PTPRN2: variants seen among roughly 807,000 people sequenced by gnomAD.
PTPRN2 encodes the protein protein tyrosine phosphatase receptor type N2.
In PTPRN2, 74 loss-of-function variants were observed where a neutral mutation model predicts 118.8. That is an observed-to-expected ratio of 0.62 (90% CI 0.52 to 0.76). The LOEUF is 0.76. Among genes scored for constraint, PTPRN2 ranks in the 30% least tolerant of loss-of-function variants. The probability of loss-of-function intolerance (pLI) is 0.00; values close to 1 mark genes in which losing one functional copy is unlikely to be tolerated. For synonymous variants in PTPRN2, 641 were observed against 608.0 expected (o/e 1.05, Z -0.80); for missense variants, 1,481 against 1,394.4 (o/e 1.06, Z -0.99).
Position 157,586,717 on chromosome 7 carries a change from G to A in PTPRN2, c.2496+8521C>T, listed in dbSNP as rs140846663. On this transcript the variant is annotated intron_variant, in intron 17 of 22. Coordinates refer to ENST00000389418, the MANE Select transcript of PTPRN2 (RefSeq NM_002847.5). ...CCTGTCCTGGAGACTCAGGGGCCCCGCTGCTGGATGCTGGGTCTGTCCTGG... is the reference window on the plus strand; with the variant it reads ...CCTGTCCTGGAGACTCAGGGGCCCCACTGCTGGATGCTGGGTCTGTCCTGG... Among the ~76,000 whole-genome samples, 402 of 152,060 alleles carry A rather than the reference G, an allele frequency of 2.6e-3. 2 individuals are homozygous for A. Among genetic ancestry groups the A allele is most frequent in the African/African-American group, 9.2e-3 (382 of 41,470 alleles).
At chr7:158,363,189 G>A (rs1042745936) in intron 2 of PTPRN2, among the ~76,000 whole-genome samples, 2 of 152,162 alleles carry the variant, frequency 1.3e-5, no homozygotes, top group Non-Finnish European at 2.9e-5. Flanking sequence ...GAGGCAAGGG[G>A]AGGACACTAG....
At chr7:158,188,181 C>T (rs1825352385) in intron 5 of PTPRN2, among the ~76,000 whole-genome samples, 1 of 121,576 alleles carries the variant, frequency 8.2e-6, no homozygotes, top group Non-Finnish European at 1.8e-5. Flanking sequence ...GCCACGCTCG[C>T]CCCGCGATGG....
chr7:158,133,690 C>T lies in PTPRN2; in HGVS notation c.1543G>A (p.Val515Met), dbSNP rs139250935. 2.5e-5 allele frequency: 40 copies of T among 1,586,540 alleles called. No homozygotes were observed. Among genetic ancestry groups the T allele is most frequent in the African/African-American group, 2.1e-4 (16 of 74,528 alleles). Reference protein sequence around the residue: ...PSEEEARGYIVTDRDPLRPEE... With the variant: ...PSEEEARGYIMTDRDPLRPEE... ...GCTGCTACTCACTCTCTGTCTGTCACGATGTAGCCCCGCGCCTCTTCCTCG... is the reference window on the plus strand; with the variant it reads ...GCTGCTACTCACTCTCTGTCTGTCATGATGTAGCCCCGCGCCTCTTCCTCG... The change falls in exon 9 of 23, where the codon GTG becomes ATG. Residue 515 changes from valine to methionine, a missense_variant. Val to Met is a conservative substitution (Grantham distance 21, BLOSUM62 1). Around this residue, in one of 3 missense-constraint regions of PTPRN2, gnomAD observed 1,115 missense variants for 994.2 expected, o/e 1.12. Coordinates refer to ENST00000389418, the MANE Select transcript of PTPRN2 (RefSeq NM_002847.5).
At position 158,070,898 on chromosome 7, in the gene PTPRN2, GGTA is replaced by G. The variant is rs1563388366; in HGVS notation, c.1723+10397_1723+10399del. On this transcript the variant is annotated intron_variant, in intron 11 of 22. Coordinates refer to ENST00000389418, the MANE Select transcript of PTPRN2 (RefSeq NM_002847.5). ...TGCCCATGGTGGTGGAGGTGCCCAT[GGTA>G]GTGGAGGTGCCCATGGTGCTGGAGG... Among the ~76,000 whole-genome samples the G allele has an allele frequency of 2.8e-4, 36 of 130,170 alleles. 4 individuals carry two copies. The highest frequency in any genetic ancestry group is 1.1e-3 in the African/African-American group (34 of 31,332). 85.4% of individuals were successfully genotyped at this position (130,170 alleles called of 152,430 possible).
chr7:158,484,416 G>T (rs1464147013), intron 2 of PTPRN2, among the ~76,000 whole-genome samples: 1 of 152,202 alleles, frequency 6.6e-6, no homozygotes, highest in Non-Finnish European at 1.5e-5. Context: ...AGACTGGAGT[G>T]CAATGGTGTG....
chr7:157,742,161 G>A (rs1800670574), intron 12 of PTPRN2, among the ~76,000 whole-genome samples: 1 of 152,164 alleles, frequency 6.6e-6, no homozygotes, highest in South Asian at 2.1e-4. Flanking sequence ...TGTGAATGTG[G>A]TCACTGATTT....
intron 11 of PTPRN2, among the ~76,000 whole-genome samples, chr7:158,000,417 A>G (rs1563316170): frequency 6.6e-6 from 1 of 151,986 alleles, no homozygotes; most frequent in Non-Finnish European, 1.5e-5. Flanking sequence ...ATCACCCAAC[A>G]CGTGAAAGCC....
chr7:158,375,465 G>A (rs1444326982), intron 2 of PTPRN2, among the ~76,000 whole-genome samples: 1 of 152,232 alleles, frequency 6.6e-6, no homozygotes, highest in Non-Finnish European at 1.5e-5. Context: ...GATGTGGTGG[G>A]ACAGCACAGC....
At chr7:158,466,112 A>C (rs903546747) in intron 2 of PTPRN2, among the ~76,000 whole-genome samples, 4 of 152,206 alleles carry the variant, frequency 2.6e-5, no homozygotes, top group African/African-American at 9.6e-5. Context: ...GGATACATAC[A>C]TGCATACTGA....
At chr7:157,790,063 A>G (rs1403111547) in intron 12 of PTPRN2, among the ~76,000 whole-genome samples, 24 of 44,070 alleles carry the variant, frequency 5.4e-4, no homozygotes, top group South Asian at 1.5e-3. Context: ...TGTGGTGTGA[A>G]TGTGTGGTGT....
intron 1 of PTPRN2, among the ~76,000 whole-genome samples, chr7:158,492,294 T>G (rs1396151727): frequency 6.6e-6 from 1 of 152,162 alleles, no homozygotes; most frequent in East Asian, 1.9e-4. Flanking sequence ...AACAGAGACC[T>G]TGGGGGAAGG....
intron 3 of PTPRN2, among the ~76,000 whole-genome samples, chr7:158,243,844 T>G (rs1796033779): frequency 6.6e-6 from 1 of 152,198 alleles, no homozygotes; most frequent in South Asian, 2.1e-4. Context: ...TGCTAAGCAC[T>G]AAGTACCTCC....
intron 12 of PTPRN2, among the ~76,000 whole-genome samples, chr7:157,695,843 C>T (rs1797740898): frequency 1.3e-5 from 2 of 152,154 alleles, no homozygotes; most frequent in South Asian, 4.1e-4. Flanking sequence ...TCACCGTCTA[C>T]CCGTGCATAC....
intron 12 of PTPRN2, among the ~76,000 whole-genome samples, chr7:157,717,354 T>A (rs1798975125): frequency 6.6e-6 from 1 of 152,148 alleles, no homozygotes; most frequent in South Asian, 2.1e-4. Flanking sequence ...GAGCCACGGG[T>A]GGGTATCCTG....
At chr7:158,141,677 C>G (rs1819401291) in intron 6 of PTPRN2, among the ~76,000 whole-genome samples, 1 of 152,186 alleles carries the variant, frequency 6.6e-6, no homozygotes, top group South Asian at 2.1e-4. Flanking sequence ...CACCCCATCC[C>G]CCACCAGGGT....
chr7:158,201,305 T>C (rs1242257510), intron 4 of PTPRN2, among the ~76,000 whole-genome samples: 9 of 152,178 alleles, frequency 5.9e-5, no homozygotes, highest in African/African-American at 1.9e-4. Flanking sequence ...TTTTCTCTTG[T>C]CCAAATTCCT....
chr7:158,146,495 G>A (rs1249133853), intron 6 of PTPRN2, among the ~76,000 whole-genome samples: 1 of 152,056 alleles, frequency 6.6e-6, no homozygotes, highest in East Asian at 1.9e-4. Context: ...GCTGAGGCAT[G>A]CGGATCACGA....
chr7:158,359,796 G>A (rs186892022), intron 2 of PTPRN2, among the ~76,000 whole-genome samples: 24 of 152,292 alleles, frequency 1.6e-4, no homozygotes, highest in Admixed American at 1.3e-3. Flanking sequence ...CAGCCCAAGC[G>A]AGAGCCCAGA....
intron 2 of PTPRN2, among the ~76,000 whole-genome samples, chr7:158,340,033 C>T (rs1294734086): frequency 2.5e-5 from 2 of 78,874 alleles, no homozygotes; most frequent in African/African-American, 4.6e-5. Flanking sequence ...TAAGAGGTGA[C>T]ATATGCAGAC....
Sources: gnomAD v4.1 joint callset for allele counts (sites outside exome capture counted in the v4.1 genomes callset) on GRCh38, gnomAD v4.1.1 for gene constraint, gnomAD v4.1.1 regional missense constraint, MANE v1.5 for transcripts, NCBI Gene and HGNC (gene_info 2026-07-23, HGNC 2026-07-21) for gene names.